The following EVL variants were observed in gnomAD, a reference collection of about 807,000 sequenced individuals.
EVL encodes ena/VASP-like protein.
EVL carries 21 observed loss-of-function variants against 59.6 expected under a neutral mutation model. That is an observed-to-expected ratio of 0.35 (90% CI 0.25 to 0.51). The LOEUF (loss-of-function observed/expected upper bound fraction) is 0.51, where lower values mean the gene tolerates loss of function less well. Ranked by LOEUF, EVL falls within the 20% of genes least tolerant of loss-of-function variation. EVL has a pLI of 0.97. For missense variants in EVL, 462 were observed against 546.6 expected (o/e 0.85, Z 1.54); for synonymous variants, 198 against 203.5 (o/e 0.97, Z 0.23).
Position 100,114,326 on chromosome 14 carries a change from T to TGCCCACAGGGTTAAGAGGAGTGCC in EVL, c.359-9212_359-9189dup. ...CCACACCTACCCTGTTCCATCCCATTGCCCACAGGGTTAAGAGGAGTGCCA... is the reference window on the plus strand; with the variant it reads ...CCACACCTACCCTGTTCCATCCCATTGCCCACAGGGTTAAGAGGAGTGCCGCCCACAGGGTTAAGAGGAGTGCCA... On this transcript the variant is annotated intron_variant, in intron 3 of 13. Transcript: ENST00000392920. The surrounding 1 kb of genome is among the most constrained non-coding windows in gnomAD (Gnocchi z 5.0). 6.6e-6 allele frequency among the ~76,000 whole-genome samples: 1 copy of TGCCCACAGGGTTAAGAGGAGTGCC among 152,194 alleles called. No individual in the cohort carries two copies. Among genetic ancestry groups the TGCCCACAGGGTTAAGAGGAGTGCC allele is most frequent in the Admixed American group, 6.5e-5 (1 of 15,294 alleles).
intron 1 of EVL, among the ~76,000 whole-genome samples, chr14:100,010,870 G>A (rs1479358525): frequency 6.6e-6 from 1 of 152,220 alleles, no homozygotes; most frequent in Non-Finnish European, 1.5e-5. Flanking sequence ...TACAAAGCCT[G>A]TGAATCAAAT....
chr14:100,124,693 G>T (rs1182656839), intron 4 of EVL, among the ~76,000 whole-genome samples: 2 of 152,256 alleles, frequency 1.3e-5, no homozygotes, highest in South Asian at 2.1e-4. Context: ...AGGGCGTGAA[G>T]GAGTGAGCCA....
chr14:100,006,280 A>C (rs1481701528), intron 1 of EVL, among the ~76,000 whole-genome samples: 4 of 148,634 alleles, frequency 2.7e-5, no homozygotes, highest in Admixed American at 1.3e-4. Flanking sequence ...GCTGGTTGTT[A>C]ATCTTTTTTT....
chr14:100,004,081 G>A (rs959138808), intron 1 of EVL, among the ~76,000 whole-genome samples: 3 of 152,202 alleles, frequency 2.0e-5, no homozygotes, highest in African/African-American at 7.2e-5. Flanking sequence ...ACGTGCGCCT[G>A]TAATCCCAGC....
intron 3 of EVL, among the ~76,000 whole-genome samples, chr14:100,122,204 G>T (rs1470890089): frequency 6.6e-6 from 1 of 152,178 alleles, no homozygotes; most frequent in East Asian, 1.9e-4. Context: ...TTATGAGTCT[G>T]CCACATTCAT....
intron 1 of EVL, among the ~76,000 whole-genome samples, chr14:99,995,661 C>G (rs766469966): frequency 6.6e-6 from 1 of 151,808 alleles, no homozygotes; most frequent in Admixed American, 6.6e-5. Context: ...CTTTGTATAC[C>G]TTATTATCTT....
intron 2 of EVL, among the ~76,000 whole-genome samples, chr14:100,085,426 C>G (rs1567008094): frequency 6.6e-6 from 1 of 152,184 alleles, no homozygotes; most frequent in East Asian, 1.9e-4. Flanking sequence ...GCAAAATAGT[C>G]TGATGTGACA....
intron 3 of EVL, among the ~76,000 whole-genome samples, chr14:100,112,176 TAGATAA>T: frequency 6.6e-6 from 1 of 152,270 alleles, no homozygotes; most frequent in East Asian, 1.9e-4. Context: ...AATATTTTGG[TAGATAA>T]CTCCGGAGAC....
intron 1 of EVL, among the ~76,000 whole-genome samples, chr14:100,020,991 A>G (rs1193700738): frequency 9.9e-5 from 15 of 152,264 alleles, no homozygotes; most frequent in Non-Finnish European, 2.1e-4. Flanking sequence ...AAGAATTTAT[A>G]TAATGTCTGG....
chr14:100,060,291 C>T (rs982736833), intron 1 of EVL, among the ~76,000 whole-genome samples: 1 of 151,806 alleles, frequency 6.6e-6, no homozygotes, highest in Non-Finnish European at 1.5e-5. Context: ...ATTAGCCGGG[C>T]GTGGTGGCGG....
At position 100,144,160 on chromosome 14, in the gene EVL, C is replaced by T. The variant is rs938832001; in HGVS notation, c.*422C>T. ...TGTCCAGGCACAGCTCCGTCCCCAG[C>T]GCTCATGGTGTTGAAACTGTCTGTC... On this transcript the variant is annotated 3_prime_UTR_variant, in exon 14 of 14. Coordinates refer to ENST00000392920, the MANE Select transcript of EVL (RefSeq NM_016337.3). The T allele has an allele frequency of 1.9e-4, 38 of 204,142 alleles. No individual in the cohort carries two copies. The Admixed American group carries it at 2.0e-3, about 11-fold the overall frequency. 12.6% of individuals were successfully genotyped at this position (204,142 alleles called of 1,614,324 possible).
At chr14:100,010,769 A>G (rs1007166529) in intron 1 of EVL, among the ~76,000 whole-genome samples, 3 of 152,236 alleles carry the variant, frequency 2.0e-5, no homozygotes, top group African/African-American at 7.2e-5. Flanking sequence ...TATATTGGAA[A>G]GAAAAGGGTG....
In EVL at chr14:100,084,807, T is replaced by A. The variant is rs1297877055; in HGVS notation, c.132T>A (p.Thr44=). 1 of 1,614,160 alleles carries A rather than the reference T, an allele frequency of 6.2e-7. No individual in the cohort carries two copies. Among genetic ancestry groups the A allele is most frequent in the Non-Finnish European group, 8.5e-7 (1 of 1,180,042 alleles). The stretch of plus-strand genomic sequence containing the variant: ...GCCGGATCAACATCTACCACAACAC[T>A]GCCAGCAACACCTTCAGAGTCGTTG... ...GFSRINIYHN[T]ASNTFRVVGV... Residue 44 remains threonine, a synonymous_variant, in exon 2 of 14, where the codon ACT becomes ACA. Transcript: ENST00000392920.
At chr14:100,014,278 G>A (rs2061036123) in intron 1 of EVL, among the ~76,000 whole-genome samples, 1 of 151,872 alleles carries the variant, frequency 6.6e-6, no homozygotes, top group African/African-American at 2.4e-5. Context: ...TCAATTTTTA[G>A]CCCCTATTCT....
intron 4 of EVL, among the ~76,000 whole-genome samples, chr14:100,124,964 G>A (rs149961464): frequency 1.3e-5 from 2 of 151,664 alleles, no homozygotes; most frequent in Non-Finnish European, 2.9e-5. Flanking sequence ...ACGTACGGAC[G>A]GACACACACA....
At chr14:100,071,469 A>T (rs2062047322) in intron 1 of EVL, among the ~76,000 whole-genome samples, 1 of 152,154 alleles carries the variant, frequency 6.6e-6, no homozygotes, top group South Asian at 2.1e-4. Flanking sequence ...GAGCTATGTG[A>T]TGTTTTGACA....
At chr14:100,023,305 A>G (rs1461838298) in intron 1 of EVL, among the ~76,000 whole-genome samples, 2 of 150,620 alleles carry the variant, frequency 1.3e-5, no homozygotes, top group East Asian at 1.9e-4. Flanking sequence ...CCCAAGTTCA[A>G]GCAATTCTCC....
intron 1 of EVL, among the ~76,000 whole-genome samples, chr14:99,989,600 T>C (rs2060862454): frequency 6.6e-6 from 1 of 152,200 alleles, no homozygotes; most frequent in South Asian, 2.1e-4. Context: ...CCTCACATAT[T>C]TTTTATACAT....
intron 1 of EVL, among the ~76,000 whole-genome samples, chr14:99,989,328 ATTT>A (rs1362154074): frequency 1.4e-5 from 2 of 145,920 alleles, no homozygotes; most frequent in African/African-American, 5.6e-5. Flanking sequence ...CGTGATACTT[ATTT>A]AAGTCAGGTC....
Sources: allele counts gnomAD v4.1 joint callset (sites outside exome capture counted in the v4.1 genomes callset), GRCh38; gene constraint gnomAD v4.1.1; non-coding constraint Gnocchi (gnomAD v3.1); transcripts MANE v1.5; gene names NCBI Gene and HGNC (gene_info 2026-07-23, HGNC 2026-07-21).